The following DAZAP1 variants were observed in gnomAD, a reference collection of about 807,000 sequenced individuals.
DAZAP1 encodes the protein DAZ-associated protein 1.
Under a neutral mutation model 60.1 loss-of-function variants are expected in DAZAP1, and 6 were observed. The ratio of observed to expected loss-of-function variants is 0.10; its 90% CI spans 0.05 to 0.20. The LOEUF (loss-of-function observed/expected upper bound fraction) is 0.20. DAZAP1 is among the 10% of genes least tolerant of loss of function. The pLI is 1.00. For missense variants in DAZAP1, 366 were observed against 560.4 expected (o/e 0.65, Z 3.50); for synonymous variants, 235 against 215.9 (o/e 1.09, Z -0.78).
At chr19:1,419,278 A>G (rs2144784212) in intron 4 of DAZAP1, among the ~76,000 whole-genome samples, 1 of 152,236 alleles carries the variant, frequency 6.6e-6, no homozygotes, top group African/African-American at 2.4e-5. Context: ...CAGTTCTCAC[A>G]CCGGCACCAG....
chr19:1,415,351 T>TTG (rs777866840), intron 1 of DAZAP1, among the ~76,000 whole-genome samples: 846 of 70,002 alleles, frequency 0.012, 16 homozygotes, highest in South Asian at 0.071. Flanking sequence ...TTTCAGGGTT[T>TTG]TATGTGTGTG....
rs1401230890 is a variant in DAZAP1 at position 1,425,717 on chromosome 19, C to T, written c.464-161C>T. ...CACTCCGTGTGCAGTCGAGTGGTGGCTCCTGGGGAGGGAGGCAGCTGCCCC... is the reference window on the plus strand; with the variant it reads ...CACTCCGTGTGCAGTCGAGTGGTGGTTCCTGGGGAGGGAGGCAGCTGCCCC... On this transcript the variant is annotated intron_variant, in intron 6 of 11. Coordinates refer to ENST00000233078, the MANE Select transcript of DAZAP1 (RefSeq NM_018959.4). This position sits in a 1 kb window ranked among gnomAD's most constrained non-coding sequence, Gnocchi z 5.4. Among the ~76,000 whole-genome samples, 2 of 152,218 alleles carry T rather than the reference C, an allele frequency of 1.3e-5. No individual in the cohort carries two copies. The highest frequency in any genetic ancestry group is 2.9e-5 in the Non-Finnish European group (2 of 68,038).
chr19:1,426,271 G>A lies in DAZAP1; in HGVS notation c.546+311G>A. 5.3e-6 allele frequency: 2 copies of A among 376,718 alleles called. No individual in the cohort carries two copies. The highest frequency in any genetic ancestry group is 5.0e-6 in the Non-Finnish European group (1 of 199,592). The allele number at this position is 376,718 out of a possible 1,614,324, so 23.3% of individuals were successfully genotyped here. A position where few individuals can be genotyped will look rare whatever the true frequency, so the allele number is the denominator to read the frequency against. On this transcript the variant is annotated intron_variant, in intron 7 of 11. Transcript: ENST00000233078. This position sits in a 1 kb window ranked among gnomAD's most constrained non-coding sequence, Gnocchi z 5.4. ...TGTTGGGGCTGGCTCCAGTGAAACC[G>A]CAGCGTTGCCTCAGGCTTGGTTTCC...
chr19:1,424,405 C>T (rs1421351584), intron 6 of DAZAP1, among the ~76,000 whole-genome samples: 2 of 144,804 alleles, frequency 1.4e-5, no homozygotes, highest in East Asian at 2.2e-4. Flanking sequence ...TGCACAGTCA[C>T]GCTCAGGTGC....
rs947984713 is a variant in DAZAP1, at chr19:1,416,146, C to A, written c.30-1354C>A. On this transcript the variant is annotated intron_variant, in intron 1 of 11. Coordinates refer to ENST00000233078, the MANE Select transcript of DAZAP1 (RefSeq NM_018959.4). The surrounding 1 kb of genome is among the most constrained non-coding windows in gnomAD (Gnocchi z 4.3). ...GCCACCTTGCAGGGGTCTTTCCTGG[C>A]GAGCTGGCAGGAGCAGGGAGGAGCA... 6.6e-6 allele frequency: 1 copy of A among 152,142 alleles called. No homozygotes were observed. The highest frequency in any genetic ancestry group is 1.5e-5 in the Non-Finnish European group (1 of 68,054). The allele number at this position is 152,142 out of a possible 1,614,324, so 9.4% of individuals were successfully genotyped here. A position where few individuals can be genotyped will look rare whatever the true frequency, so the allele number is the denominator to read the frequency against.
intron 9 of DAZAP1, 56 bp downstream of exon 9, chr19:1,430,052 T>A (rs1223869830): frequency 6.3e-7 from 1 of 1,578,460 alleles, no homozygotes; most frequent in African/African-American, 1.3e-5. Flanking sequence ...GCAGGCTGAC[T>A]CGCCAGGTGT....
chr19:1,411,429 G>A (rs1378846724), intron 1 of DAZAP1, among the ~76,000 whole-genome samples: 2 of 152,214 alleles, frequency 1.3e-5, no homozygotes, highest in Non-Finnish European at 2.9e-5. Context: ...CTGTGCTTTT[G>A]GCCTGGTTGC....
At chr19:1,427,880 C>T (rs1453749507) in intron 7 of DAZAP1, 1 of 152,232 alleles carries the variant, frequency 6.6e-6, no homozygotes, top group East Asian at 1.9e-4. Context: ...GACCCCAAGG[C>T]TGACTCCAGG....
rs549707862 is a variant in DAZAP1 at position 1,426,850 on chromosome 19, C to G, written c.546+890C>G. On this transcript the variant is annotated intron_variant, in intron 7 of 11. Coordinates refer to ENST00000233078, the MANE Select transcript of DAZAP1 (RefSeq NM_018959.4). The surrounding 1 kb of genome is among the most constrained non-coding windows in gnomAD (Gnocchi z 5.4). ...GGATTCTGACCCGGCCTCCTTGGTG[C>G]GGCAGCTTCTCCCGTTAACGGAAGA... 1 of 152,192 alleles carries G rather than the reference C, an allele frequency of 6.6e-6. No homozygotes were observed. The allele number at this position is 152,192 out of a possible 1,614,324, so 9.4% of individuals were successfully genotyped here.
In DAZAP1 at chr19:1,418,818, C is replaced by G; in HGVS notation, c.303+87C>G. 7.2e-7 allele frequency: 1 copy of G among 1,396,272 alleles called. No homozygotes were observed. Among genetic ancestry groups the G allele is most frequent in the South Asian group, 1.4e-5 (1 of 72,630 alleles). The allele number at this position is 1,396,272 out of a possible 1,614,324, so 86.5% of individuals were successfully genotyped here. On this transcript the variant is annotated intron_variant, in intron 4 of 11. Coordinates refer to ENST00000233078, the MANE Select transcript of DAZAP1 (RefSeq NM_018959.4). The surrounding 1 kb of genome is among the most constrained non-coding windows in gnomAD (Gnocchi z 5.7). ...GTGCCTTCAATCTGCTGTTGTCGCTCGTTAAGATTGAGGGCGACGCAGGTC... is the reference window on the plus strand; with the variant it reads ...GTGCCTTCAATCTGCTGTTGTCGCTGGTTAAGATTGAGGGCGACGCAGGTC...
intron 6 of DAZAP1, among the ~76,000 whole-genome samples, chr19:1,424,663 C>T (rs939814435): frequency 2.0e-5 from 3 of 152,086 alleles, no homozygotes; most frequent in Middle Eastern, 6.9e-3. Flanking sequence ...CTGCCGCGCT[C>T]GTTCACGCCT....
Position 1,433,524 on chromosome 19 carries a change from C to A in DAZAP1, c.1048+834C>A. On this transcript the variant is annotated intron_variant, in intron 11 of 11. Coordinates refer to ENST00000233078, the MANE Select transcript of DAZAP1 (RefSeq NM_018959.4). This position sits in a 1 kb window ranked among gnomAD's most constrained non-coding sequence, Gnocchi z 6.1. ...TGTGTTCGGCCGAGGTGCCCGCCCA[C>A]CCACCTCGCATGGCTGTGGTTCCCC... is the stretch of plus-strand genomic sequence containing the variant. 33 of 528,948 alleles carry A rather than the reference C, an allele frequency of 6.2e-5. No individual in the cohort carries two copies. Among genetic ancestry groups the A allele is most frequent in the East Asian group, 1.3e-4 (4 of 29,870 alleles). The allele number at this position is 528,948 out of a possible 1,614,324, so 32.8% of individuals were successfully genotyped here.
rs990372018 is a variant in DAZAP1 at position 1,432,300 on chromosome 19, G to A, written c.872-214G>A. On this transcript the variant is annotated intron_variant, in intron 10 of 11. Transcript: ENST00000233078. This position sits in a 1 kb window ranked among gnomAD's most constrained non-coding sequence, Gnocchi z 4.9. ...TGGCCCTGCTGCAGCTCAGCATCCC[G>A]CCACGCTCCCAGGAGTGTGTGTTTC... The A allele has an allele frequency of 1.5e-5, 9 of 586,098 alleles. 1 individual carries two copies. The highest frequency in any genetic ancestry group is 7.6e-5 in the African/African-American group (4 of 52,576). 36.3% of individuals were successfully genotyped at this position (586,098 alleles called of 1,614,324 possible).
At position 1,418,056 on chromosome 19, in the gene DAZAP1, C is replaced by G; in HGVS notation, c.71-148C>G. The G allele has an allele frequency of 1.3e-6, 1 of 741,250 alleles. No homozygotes were observed. The highest frequency in any genetic ancestry group is 2.7e-5 in the Admixed American group (1 of 37,464). 45.9% of individuals were successfully genotyped at this position (741,250 alleles called of 1,614,324 possible). On this transcript the variant is annotated intron_variant, in intron 2 of 11. Transcript: ENST00000233078. This position sits in a 1 kb window ranked among gnomAD's most constrained non-coding sequence, Gnocchi z 5.7. ...GTGTGTGTTGGGCAGAATTCCCCAG[C>G]GCTTCCCGTACACCCCCCACCCCCA...
intron 1 of DAZAP1, 124 bp from the exon 2 acceptor site, chr19:1,417,376 G>A (rs954759656): frequency 6.6e-6 from 7 of 1,061,020 alleles, no homozygotes; most frequent in African/African-American, 3.2e-5. Context: ...ATGCCGTCAC[G>A]TGCACAAGGA....
intron 9 of DAZAP1, 74 bp from the exon 10 acceptor site, chr19:1,430,148 G>A: frequency 6.6e-7 from 1 of 1,517,610 alleles, no homozygotes; most frequent in Non-Finnish European, 9.0e-7. Flanking sequence ...GCCCCTGGCA[G>A]GCCTGGGTCT....
rs2082706150 is a variant in DAZAP1 at position 1,407,740 on chromosome 19, C to T, written c.-34C>T. ...CCGGAGGCGGGAGCGAGCGAGGAGG[C>T]CCGGGAGCGCCGAGCGTCGCCGCCG... On this transcript the variant is annotated 5_prime_UTR_variant, in exon 1 of 12. Transcript: ENST00000233078. 2.8e-6 allele frequency: 3 copies of T among 1,081,026 alleles called. No individual in the cohort carries two copies. The highest frequency in any genetic ancestry group is 1.1e-4 in the East Asian group (2 of 17,406). 67.0% of individuals were successfully genotyped at this position (1,081,026 alleles called of 1,614,324 possible). A position where few individuals can be genotyped will look rare whatever the true frequency, so the allele number is the denominator to read the frequency against.
intron 1 of DAZAP1, chr19:1,417,049 C>G (rs564760662): frequency 6.1e-4 from 102 of 168,184 alleles, no homozygotes; most frequent in Non-Finnish European, 3.8e-4. Flanking sequence ...CCGCCCCAGG[C>G]TGTAATTCAG....
intron 6 of DAZAP1, among the ~76,000 whole-genome samples, chr19:1,424,891 G>A (rs952159343): frequency 2.0e-5 from 3 of 152,100 alleles, no homozygotes; most frequent in Non-Finnish European, 4.4e-5. Context: ...GCGGTGTCAC[G>A]CTCCACCTAG....
Sources: gnomAD v4.1 joint callset for allele counts (sites outside exome capture counted in the v4.1 genomes callset) on GRCh38, gnomAD v4.1.1 for gene constraint, Gnocchi (gnomAD v3.1) non-coding constraint, MANE v1.5 for transcripts, NCBI Gene and HGNC (gene_info 2026-07-23, HGNC 2026-07-21) for gene names.